Variants in CDH12 observed in about 807,000 individuals in gnomAD.
CDH12 encodes the protein cadherin-12.
CDH12 carries 41 observed loss-of-function variants against 74.1 expected under a neutral mutation model. The observed-to-expected ratio is 0.55, with a 90% CI of 0.43 to 0.72. CDH12 has a LOEUF of 0.72. CDH12 is among the 30% of genes least tolerant of loss of function. The probability of loss-of-function intolerance (pLI) is 0.00; values close to 1 mark genes in which losing one functional copy is unlikely to be tolerated. For synonymous variants in CDH12, 399 were observed against 355.0 expected (o/e 1.12, Z -1.39); for missense variants, 945 against 977.2 (o/e 0.97, Z 0.44).
At position 22,023,448 on chromosome 5, in the gene CDH12, A is replaced by G. The variant is rs192702249; in HGVS notation, c.232-48063T>C. On this transcript the variant is annotated intron_variant, in intron 5 of 14. Coordinates refer to ENST00000382254, the MANE Select transcript of CDH12 (RefSeq NM_004061.5). ...TTTTGATATGTATCCTGTGATGACA[A>G]TGTGGTCTCTGACTTCATCAAGCTT... 2.5e-3 allele frequency among the ~76,000 whole-genome samples: 378 copies of G among 152,210 alleles called. 1 individual carries two copies. The highest frequency in any genetic ancestry group is 4.8e-3 in the Non-Finnish European group (324 of 68,018).
intron 4 of CDH12, among the ~76,000 whole-genome samples, chr5:22,148,830 C>T (rs1747380321): frequency 6.6e-6 from 1 of 152,094 alleles, no homozygotes; most frequent in Non-Finnish European, 1.5e-5. Flanking sequence ...TTTAAAGATA[C>T]TAACCACTGG....
In CDH12 at chr5:22,618,495, G is replaced by A. The variant is rs556025967; in HGVS notation, c.-522-113131C>T. ...GGGTATACTTTAGAAAGCTCTTGTT[G>A]CACTGTGCCTGAACTTTGGATTGTG... is the stretch of plus-strand genomic sequence containing the variant. On this transcript the variant is annotated intron_variant, in intron 1 of 14. Transcript: ENST00000382254. Among the ~76,000 whole-genome samples, 37 of 152,224 alleles carry A rather than the reference G, an allele frequency of 2.4e-4. No individual in the cohort carries two copies. In the South Asian group the frequency reaches 3.1e-3, roughly 13 times the overall value.
At chr5:22,852,862 G>C (rs1346554795) in intron 1 of CDH12, among the ~76,000 whole-genome samples, 196 bp downstream of exon 1, 2 of 152,160 alleles carry the variant, frequency 1.3e-5, no homozygotes, top group Non-Finnish European at 2.9e-5. Context: ...CCAGAGACTT[G>C]TTTAGAACTT....
chr5:22,162,883 C>T (rs1270381862), intron 4 of CDH12, among the ~76,000 whole-genome samples: 1 of 140,260 alleles, frequency 7.1e-6, no homozygotes, highest in East Asian at 2.3e-4. Flanking sequence ...TCTTTCTCTT[C>T]CCTCTGACTT....
chr5:21,942,347 T>TATATAC (rs1225173229), intron 6 of CDH12, among the ~76,000 whole-genome samples: 47 of 129,676 alleles, frequency 3.6e-4, no homozygotes, highest in African/African-American at 1.1e-3. Flanking sequence ...TATATATATA[T>TATATAC]ACACACACAC....
chr5:22,384,498 C>T (rs1291993090), intron 3 of CDH12, among the ~76,000 whole-genome samples: 3 of 121,936 alleles, frequency 2.5e-5, no homozygotes, highest in Non-Finnish European at 4.9e-5. Flanking sequence ...TGCACTCCCG[C>T]CTGGGCCACA....
intron 6 of CDH12, among the ~76,000 whole-genome samples, chr5:21,864,056 A>G (rs10080204): frequency 0.21 from 31,771 of 152,144 alleles, 4,374 homozygotes; most frequent in African/African-American, 0.39. Context: ...ATTTTCAAAT[A>G]AAATTAAAAA....
intron 6 of CDH12, among the ~76,000 whole-genome samples, chr5:21,900,611 T>A (rs1475546996): frequency 1.3e-5 from 2 of 152,162 alleles, no homozygotes; most frequent in African/African-American, 4.8e-5. Context: ...ACTAGAAATG[T>A]CATGGTATTT....
intron 1 of CDH12, among the ~76,000 whole-genome samples, chr5:22,750,649 G>C (rs1418941308): frequency 3.3e-5 from 5 of 152,114 alleles, no homozygotes; most frequent in African/African-American, 1.2e-4. Context: ...GAGAGAGATG[G>C]AATAATGGAA....
intron 8 of CDH12, among the ~76,000 whole-genome samples, chr5:21,841,708 G>A (rs1332416498): frequency 3.3e-5 from 5 of 151,912 alleles, no homozygotes; most frequent in Admixed American, 1.3e-4. Context: ...GTCCTTTGTC[G>A]GGACATGGAT....
chr5:22,118,134 G>A (rs142417337), intron 4 of CDH12, among the ~76,000 whole-genome samples: 11 of 152,138 alleles, frequency 7.2e-5, no homozygotes, highest in African/African-American at 2.6e-4. Flanking sequence ...TATTATATCT[G>A]CTTAGATACA....
chr5:22,447,181 G>A (rs1744848385), intron 2 of CDH12, among the ~76,000 whole-genome samples: 1 of 152,020 alleles, frequency 6.6e-6, no homozygotes, highest in East Asian at 1.9e-4. Flanking sequence ...TGCCTATTAA[G>A]TTTCTCATGT....
intron 2 of CDH12, among the ~76,000 whole-genome samples, chr5:22,489,308 CG>C (rs1447892498): frequency 1.3e-5 from 2 of 151,594 alleles, no homozygotes; most frequent in Non-Finnish European, 2.9e-5. Context: ...CCACCTGCCT[CG>C]GCCTCCCAAA....
At chr5:22,788,814 C>A (rs10070285) in intron 1 of CDH12, among the ~76,000 whole-genome samples, 2,705 of 151,254 alleles carry the variant, frequency 0.018, 82 homozygotes, top group African/African-American at 0.062. Flanking sequence ...AAATAAGGAA[C>A]CTGAAGATGG....
chr5:22,093,566 G>T (rs906469270), intron 4 of CDH12, among the ~76,000 whole-genome samples: 3 of 152,084 alleles, frequency 2.0e-5, no homozygotes, highest in Admixed American at 1.3e-4. Context: ...TTTAGAATAG[G>T]TGAATAAAGA....
chr5:22,712,509 C>T (rs1743342171), intron 1 of CDH12, among the ~76,000 whole-genome samples: 1 of 151,884 alleles, frequency 6.6e-6, no homozygotes, highest in South Asian at 2.1e-4. Context: ...ATAGGATAAC[C>T]TGATGAAACT....
intron 6 of CDH12, among the ~76,000 whole-genome samples, chr5:21,912,420 T>G (rs1361615412): frequency 6.6e-6 from 1 of 152,022 alleles, no homozygotes; most frequent in African/African-American, 2.4e-5. Context: ...TAAATGGAAC[T>G]CCTGCTTTCT....
chr5:21,873,312 C>T (rs894418178), intron 6 of CDH12, among the ~76,000 whole-genome samples: 1 of 152,044 alleles, frequency 6.6e-6, no homozygotes, highest in Non-Finnish European at 1.5e-5. Context: ...TTTTTTCTGG[C>T]TAATAATGCG....
chr5:22,617,666 A>T (rs891658578), intron 1 of CDH12, among the ~76,000 whole-genome samples: 2 of 152,118 alleles, frequency 1.3e-5, no homozygotes, highest in African/African-American at 2.4e-5. Context: ...CCTGATATTG[A>T]CTAACATCCA....
Sources: gnomAD v4.1 joint callset for allele counts (sites outside exome capture counted in the v4.1 genomes callset) on GRCh38, gnomAD v4.1.1 for gene constraint, MANE v1.5 for transcripts, NCBI Gene and HGNC (gene_info 2026-07-23, HGNC 2026-07-21) for gene names.